ATP6V1H: variants seen among roughly 807,000 people sequenced by gnomAD.
The protein encoded by ATP6V1H is V-type proton ATPase subunit H.
Under a neutral mutation model 71.7 loss-of-function variants are expected in ATP6V1H, and 39 were observed. The observed-to-expected ratio is 0.54, with a 90% CI of 0.42 to 0.71. The LOEUF (loss-of-function observed/expected upper bound fraction) is 0.71. Among genes scored for constraint, ATP6V1H ranks in the 30% least tolerant of loss-of-function variants. ATP6V1H has a pLI of 0.00. For missense variants in ATP6V1H, 509 were observed against 594.9 expected, an observed-to-expected ratio of 0.86 and a Z score of 1.50; for synonymous variants, 192 against 199.3, an observed-to-expected ratio of 0.96 and a Z score of 0.31.
intron 12 of ATP6V1H, among the ~76,000 whole-genome samples, chr8:53,744,258 G>A (rs1187841401): frequency 6.6e-6 from 1 of 151,890 alleles, no homozygotes; most frequent in Non-Finnish European, 1.5e-5. Context: ...GCAGTGAGAC[G>A]AAGGAGAACA....
intron 11 of ATP6V1H, among the ~76,000 whole-genome samples, chr8:53,765,454 AAC>A (rs59822523): frequency 0.08 from 5,886 of 73,860 alleles, 275 homozygotes; most frequent in African/African-American, 0.11. Flanking sequence ...CAACAACAAC[AAC>A]ACACACACAC....
intron 13 of ATP6V1H, among the ~76,000 whole-genome samples, chr8:53,732,726 G>C (rs1461504049): frequency 2.7e-5 from 4 of 150,504 alleles, no homozygotes; most frequent in Middle Eastern, 3.5e-3. Flanking sequence ...ATTAAAAGAA[G>C]AAATCCCAGA....
intron 2 of ATP6V1H, 61 bp downstream of exon 2, chr8:53,841,517 A>C: frequency 6.5e-7 from 1 of 1,546,880 alleles, no homozygotes; most frequent in Admixed American, 1.7e-5. Flanking sequence ...AAGCATGACC[A>C]TGAAAAAGTC....
intron 3 of ATP6V1H, among the ~76,000 whole-genome samples, chr8:53,830,078 G>A (rs1810956328): frequency 6.6e-6 from 1 of 152,132 alleles, no homozygotes; most frequent in Non-Finnish European, 1.5e-5. Context: ...GGCTCCTTCA[G>A]CCAATGAGGC....
chr8:53,825,609 T>C (rs1002726432), intron 4 of ATP6V1H, among the ~76,000 whole-genome samples: 11 of 152,174 alleles, frequency 7.2e-5, no homozygotes, highest in African/African-American at 2.7e-4. Flanking sequence ...AATCTAGTTA[T>C]ATAGGGAGGT....
intron 9 of ATP6V1H, among the ~76,000 whole-genome samples, chr8:53,789,298 T>C (rs552742060): frequency 6.6e-6 from 1 of 152,258 alleles, no homozygotes; most frequent in South Asian, 2.1e-4. Context: ...GTAGGGTATG[T>C]GGGAAGCTTG....
At chr8:53,784,367 T>G (rs1350932557) in intron 9 of ATP6V1H, among the ~76,000 whole-genome samples, 1 of 152,180 alleles carries the variant, frequency 6.6e-6, no homozygotes, top group African/African-American at 2.4e-5. Context: ...AACCCCTGCC[T>G]TTTTTTGTTT....
At chr8:53,775,016 C>T (rs997429234) in intron 9 of ATP6V1H, among the ~76,000 whole-genome samples, 1 of 152,200 alleles carries the variant, frequency 6.6e-6, no homozygotes, top group African/African-American at 2.4e-5. Context: ...AGAATGAAGC[C>T]GCGGACCCTC....
At chr8:53,728,414 A>G (rs972844822) in intron 13 of ATP6V1H, among the ~76,000 whole-genome samples, 4 of 152,216 alleles carry the variant, frequency 2.6e-5, no homozygotes, top group African/African-American at 9.7e-5. Flanking sequence ...TCATTAGAAA[A>G]TTTTACACTG....
intron 13 of ATP6V1H, among the ~76,000 whole-genome samples, chr8:53,718,988 C>T (rs2130070423): frequency 6.6e-6 from 1 of 152,274 alleles, no homozygotes; most frequent in Non-Finnish European, 1.5e-5. Flanking sequence ...AAGAAGAATA[C>T]AATTTCCTCC....
intron 12 of ATP6V1H, among the ~76,000 whole-genome samples, chr8:53,754,063 T>C (rs954893414): frequency 6.6e-6 from 1 of 152,160 alleles, no homozygotes; most frequent in African/African-American, 2.4e-5. Context: ...ACACTGCGCA[T>C]AAGAGGAACC....
intron 13 of ATP6V1H, among the ~76,000 whole-genome samples, chr8:53,719,014 ATTG>A (rs1184978005): frequency 6.6e-6 from 1 of 152,156 alleles, no homozygotes; most frequent in Non-Finnish European, 1.5e-5. Flanking sequence ...CTTTCTTGAA[ATTG>A]TTGTTTGTTA....
intron 13 of ATP6V1H, among the ~76,000 whole-genome samples, chr8:53,738,305 A>G (rs1206837895): frequency 6.6e-6 from 1 of 151,926 alleles, no homozygotes; most frequent in Non-Finnish European, 1.5e-5. Flanking sequence ...TCAAAAAAAA[A>G]AAAAAATGCG....
intron 3 of ATP6V1H, chr8:53,831,933 A>C (rs1272282737): frequency 6.6e-6 from 1 of 151,940 alleles, no homozygotes; most frequent in Non-Finnish European, 1.5e-5. Context: ...TTATGAGATT[A>C]CTAACTGTTC....
chr8:53,756,898 C>A (rs937925048), intron 11 of ATP6V1H, among the ~76,000 whole-genome samples: 2 of 152,178 alleles, frequency 1.3e-5, no homozygotes, highest in South Asian at 2.1e-4. Flanking sequence ...GGGACTCCCC[C>A]CTCAAGAAAA....
intron 13 of ATP6V1H, among the ~76,000 whole-genome samples, chr8:53,726,491 A>C (rs1397633619): frequency 6.6e-6 from 1 of 152,236 alleles, no homozygotes; most frequent in East Asian, 1.9e-4. Flanking sequence ...ACAAGATTAA[A>C]GTAAATCATG....
intron 13 of ATP6V1H, among the ~76,000 whole-genome samples, chr8:53,740,552 C>T (rs1397001151): frequency 2.0e-5 from 3 of 152,084 alleles, no homozygotes; most frequent in Non-Finnish European, 2.9e-5. Context: ...CCATTTAAAT[C>T]GAGCCAATGC....
At chr8:53,760,095 A>G (rs562355835) in intron 11 of ATP6V1H, among the ~76,000 whole-genome samples, 16 of 152,338 alleles carry the variant, frequency 1.1e-4, no homozygotes, top group Non-Finnish European at 1.9e-4. Context: ...CTCTAAGATA[A>G]TAATTGGTTG....
chr8:53,785,115 T>G (rs1809323723), intron 9 of ATP6V1H, among the ~76,000 whole-genome samples: 1 of 152,178 alleles, frequency 6.6e-6, no homozygotes, highest in Non-Finnish European at 1.5e-5. Flanking sequence ...TTCTCCTGGA[T>G]AATATCCTGC....
Sources: gnomAD v4.1 joint callset for allele counts (sites outside exome capture counted in the v4.1 genomes callset) on GRCh38, gnomAD v4.1.1 for gene constraint, MANE v1.5 for transcripts, NCBI Gene and HGNC (gene_info 2026-07-23, HGNC 2026-07-21) for gene names.